Variants in ATP2A1 observed in about 807,000 individuals in gnomAD.
ATP2A1 encodes sarcoplasmic/endoplasmic reticulum calcium ATPase 1.
A neutral mutation model predicts 109.5 loss-of-function variants in ATP2A1; 83 were observed. That is an observed-to-expected ratio of 0.76 (90% CI 0.63 to 0.91). The LOEUF is 0.91. ATP2A1 is among the 40% of genes least tolerant of loss of function. ATP2A1 has a pLI of 0.00. For synonymous variants in ATP2A1, 505 were observed against 537.6 expected (o/e 0.94, Z 0.84); for missense variants, 1,101 against 1,341.0 (o/e 0.82, Z 2.80).
chr16:28,904,337 T>C lies in ATP2A1; in HGVS notation c.*195T>C. The C allele has an allele frequency of 1.3e-6, 2 of 1,557,364 alleles. No homozygotes were observed. Among genetic ancestry groups the C allele is most frequent in the Non-Finnish European group, 1.7e-6 (2 of 1,156,136 alleles). On this transcript the variant is annotated 3_prime_UTR_variant, in exon 23 of 23. Transcript: ENST00000395503. ...ATAAACATGTCCCCTTCCCTTTCCT[T>C]CCCCCTCGGCCACCCGCCTCCCTCT...
intron 12 of ATP2A1, among the ~76,000 whole-genome samples, chr16:28,896,897 T>C (rs1236746862): frequency 1.3e-5 from 2 of 151,808 alleles, no homozygotes; most frequent in Non-Finnish European, 2.9e-5. Flanking sequence ...TTCTCCATGT[T>C]GGTTAAGCTG....
Position 28,894,674 on chromosome 16 carries a change from G to GTT in ATP2A1, c.1287+68_1287+69dup, listed in dbSNP as rs560880307. On this transcript the variant is annotated intron_variant, in intron 11 of 22. Transcript: ENST00000395503. ...CTCCTCCGAAGGCCAGGAGGAAAGG[G>GTT]TTGGAGGAAGGGGACCCAGTACACC... The GTT allele has an allele frequency of 1.2e-4, 198 of 1,601,468 alleles. 4 individuals are homozygous for GTT. The East Asian group carries it at 2.5e-3, about 20-fold the overall frequency.
intron 14 of ATP2A1, 58 bp from the exon 15 acceptor site, chr16:28,900,523 T>C: frequency 8.6e-7 from 1 of 1,166,882 alleles, no homozygotes. Flanking sequence ...ACCAGCTTCC[T>C]CCAGGGGAGT....
chr16:28,902,341 C>A lies in ATP2A1; in HGVS notation c.2479C>A (p.Pro827Thr), dbSNP rs200446142. Reference protein sequence around the residue: ...MDRPPRSPKEPLISGWLFFRY... With the variant: ...MDRPPRSPKETLISGWLFFRY... ...CCGCCCCCCCCGGAGCCCCAAGGAG[C>A]CCCTCATCAGTGGCTGGCTCTTCTT... The change falls in exon 17 of 23, where the codon CCC (proline) becomes ACC (threonine). Residue 827 changes from proline to threonine, a missense_variant. Transcript: ENST00000395503. This position sits in a 1 kb window ranked among gnomAD's most constrained non-coding sequence, Gnocchi z 4.8. The A allele has an allele frequency of 6.2e-7, 1 of 1,614,076 alleles. No homozygotes were observed. The highest frequency in any genetic ancestry group is 8.5e-7 in the Non-Finnish European group (1 of 1,179,986).
Position 28,898,574 on chromosome 16 carries a change from T to A in ATP2A1, c.1764+123T>A. On this transcript the variant is annotated intron_variant, in intron 14 of 22. Coordinates refer to ENST00000395503, the MANE Select transcript of ATP2A1 (RefSeq NM_004320.6). This position sits in a 1 kb window ranked among gnomAD's most constrained non-coding sequence, Gnocchi z 4.0. ...GTCAGTCAAGTTGATGGCTCCTTAGTACAGGCCATGGAATCACAGGACAGT... is the reference window on the plus strand; with the variant it reads ...GTCAGTCAAGTTGATGGCTCCTTAGAACAGGCCATGGAATCACAGGACAGT... 1.7e-6 allele frequency: 2 copies of A among 1,149,984 alleles called. No homozygotes were observed. Among genetic ancestry groups the A allele is most frequent in the Admixed American group, 4.0e-5 (2 of 49,748 alleles). 71.2% of individuals were successfully genotyped at this position (1,149,984 alleles called of 1,614,324 possible).
At chr16:28,901,818 G>A (rs1429561284) in intron 15 of ATP2A1, 45 bp from the exon 16 acceptor site, 15 of 1,524,814 alleles carry the variant, frequency 9.8e-6, no homozygotes, top group South Asian at 2.3e-5. Flanking sequence ...TAAAAAGGAG[G>A]GATGTGTGAA....
intron 4 of ATP2A1, among the ~76,000 whole-genome samples, chr16:28,882,097 C>T (rs1342543874): frequency 1.4e-4 from 19 of 136,076 alleles, no homozygotes; most frequent in African/African-American, 4.9e-4. Flanking sequence ...CTACTACGCC[C>T]GGCTTTTTTT....
chr16:28,880,084 C>A lies in ATP2A1; in HGVS notation c.219+501C>A. On this transcript the variant is annotated intron_variant, in intron 3 of 22. Coordinates refer to ENST00000395503, the MANE Select transcript of ATP2A1 (RefSeq NM_004320.6). The surrounding 1 kb of genome is among the most constrained non-coding windows in gnomAD (Gnocchi z 4.2). ...GCGGTGTGATGATGACTCCAAGGAGCCCGGCGCCCGGTCAGGGAGGGCACT... is the reference window on the plus strand; with the variant it reads ...GCGGTGTGATGATGACTCCAAGGAGACCGGCGCCCGGTCAGGGAGGGCACT... 1.0e-6 allele frequency: 1 copy of A among 997,696 alleles called. No homozygotes were observed. The highest frequency in any genetic ancestry group is 1.2e-6 in the Non-Finnish European group (1 of 839,678). The allele number at this position is 997,696 out of a possible 1,614,324, so 61.8% of individuals were successfully genotyped here.
chr16:28,879,911 C>CGG lies in ATP2A1; in HGVS notation c.219+333_219+334dup, dbSNP rs11350407. On this transcript the variant is annotated intron_variant, in intron 3 of 22. Coordinates refer to ENST00000395503, the MANE Select transcript of ATP2A1 (RefSeq NM_004320.6). ...TCCCGCCGCGATGCCGGCTGCGGCG[C>CGG]GGGGGGCCACTGCCACTCCCGGCAT... 2.0e-4 allele frequency: 158 copies of CGG among 802,930 alleles called. No homozygotes were observed. In the East Asian group the frequency reaches 4.5e-3, roughly 23 times the overall value. The allele number at this position is 802,930 out of a possible 1,614,324, so 49.7% of individuals were successfully genotyped here. A position where few individuals can be genotyped will look rare whatever the true frequency, so the allele number is the denominator to read the frequency against.
At position 28,880,091 on chromosome 16, in the gene ATP2A1, C is replaced by A. The variant is rs1157342186; in HGVS notation, c.219+508C>A. Reference sequence around the variant, plus strand: ...GATGATGACTCCAAGGAGCCCGGCGCCCGGTCAGGGAGGGCACTGGCATCC... The same window carrying A: ...GATGATGACTCCAAGGAGCCCGGCGACCGGTCAGGGAGGGCACTGGCATCC... On this transcript the variant is annotated intron_variant, in intron 3 of 22. Coordinates refer to ENST00000395503, the MANE Select transcript of ATP2A1 (RefSeq NM_004320.6). The surrounding 1 kb of genome is among the most constrained non-coding windows in gnomAD (Gnocchi z 4.2). 2.0e-6 allele frequency: 2 copies of A among 996,798 alleles called. No individual in the cohort carries two copies. The highest frequency in any genetic ancestry group is 1.1e-4 in the East Asian group (1 of 8,882). 61.7% of individuals were successfully genotyped at this position (996,798 alleles called of 1,614,324 possible).
Position 28,885,484 on chromosome 16 carries a change from C to T in ATP2A1, c.544+829C>T, listed in dbSNP as rs1367852400. 3.3e-5 allele frequency among the ~76,000 whole-genome samples: 5 copies of T among 152,064 alleles called. No individual in the cohort carries two copies. The East Asian group carries it at 5.9e-4, about 18-fold the overall frequency. Reference sequence around the variant, plus strand: ...TCAGCCTCCAGAGTAGCTGGGATTACAGACGTCCACCATCACACCCGGCTA... The same window carrying T: ...TCAGCCTCCAGAGTAGCTGGGATTATAGACGTCCACCATCACACCCGGCTA... On this transcript the variant is annotated intron_variant, in intron 6 of 22. Transcript: ENST00000395503.
intron 2 of ATP2A1, 154 bp from the exon 3 acceptor site, chr16:28,879,347 C>T (rs1036449945): frequency 4.6e-6 from 4 of 877,798 alleles, no homozygotes; most frequent in South Asian, 4.3e-5. Flanking sequence ...TGTTTCTGGA[C>T]TCCAGGCGAG....
At chr16:28,896,115 T>A (rs897511134) in intron 12 of ATP2A1, among the ~76,000 whole-genome samples, 1 of 151,996 alleles carries the variant, frequency 6.6e-6, no homozygotes, top group Non-Finnish European at 1.5e-5. Context: ...CATGCACCAC[T>A]TTTCCTGGCT....
Position 28,879,487 on chromosome 16 carries a change from G to T in ATP2A1, c.137-14G>T. ...GACCTTAACCCGGGGCCCTCCCCTT[G>T]CCTCCTCCCCCAGGGAAGACCCTGT... is the stretch of plus-strand genomic sequence containing the variant. On this transcript the variant is annotated splice_polypyrimidine_tract_variant and intron_variant, in intron 2 of 22. Transcript: ENST00000395503. 1 of 1,613,388 alleles carries T rather than the reference G, an allele frequency of 6.2e-7. No individual in the cohort carries two copies. Among genetic ancestry groups the T allele is most frequent in the Non-Finnish European group, 8.5e-7 (1 of 1,179,374 alleles).
In ATP2A1 at chr16:28,887,253, CAAG is replaced by C. The variant is rs771438798; in HGVS notation, c.615_617del (p.Lys205del). ...CTGACCCCCGAGCTGTCAACCAGGA[CAAG>C]AAGAACATGCTTTTCTCGGTGAGCA... On this transcript the variant is annotated inframe_deletion, in exon 7 of 23. Transcript: ENST00000395503. The C allele has an allele frequency of 5.0e-6, 8 of 1,614,034 alleles. No individual in the cohort carries two copies. The highest frequency in any genetic ancestry group is 2.2e-5 in the East Asian group (1 of 44,860).
At chr16:28,885,576 T>G (rs1422208244) in intron 6 of ATP2A1, among the ~76,000 whole-genome samples, 1 of 151,912 alleles carries the variant, frequency 6.6e-6, no homozygotes, top group African/African-American at 2.4e-5. Context: ...ACTCCTGACC[T>G]CGTGATCCAC....
rs1249911516 is a variant in ATP2A1, at chr16:28,883,985, C to G, written c.464-590C>G. ...TACCTTCCGCTCACTCCTCTCCTGC[C>G]TTGCCCTCCACTGTTCCTCTTGGTT... On this transcript the variant is annotated intron_variant, in intron 5 of 22. Coordinates refer to ENST00000395503, the MANE Select transcript of ATP2A1 (RefSeq NM_004320.6). This position sits in a 1 kb window ranked among gnomAD's most constrained non-coding sequence, Gnocchi z 5.2. 6.6e-6 allele frequency among the ~76,000 whole-genome samples: 1 copy of G among 152,130 alleles called. No homozygotes were observed. The highest frequency in any genetic ancestry group is 1.5e-5 in the Non-Finnish European group (1 of 68,034).
chr16:28,879,515 G>T lies in ATP2A1; in HGVS notation c.151G>T (p.Glu51Ter), dbSNP rs778511864. ...LPAEEGKTLW[E>*]LVIEQFEDLL... ...TCCTCCCCCAGGGAAGACCCTGTGG[G>T]AGCTGGTGATAGAGCAGTTTGAAGA... The change falls in exon 3 of 23, where the codon GAG becomes TAG. Residue 51 changes from glutamate to a stop codon, truncating the protein, a stop_gained. Transcript: ENST00000395503. LOFTEE classifies it high-confidence loss of function. 5 of 1,614,138 alleles carry T rather than the reference G, an allele frequency of 3.1e-6. No individual in the cohort carries two copies. Among genetic ancestry groups the T allele is most frequent in the Middle Eastern group, 1.6e-4 (1 of 6,062 alleles).
Position 28,887,736 on chromosome 16 carries a change from T to C in ATP2A1, c.928+14T>C, listed in dbSNP as rs1259338274. The C allele has an allele frequency of 1.9e-6, 3 of 1,613,206 alleles. No homozygotes were observed. The South Asian group carries it at 3.3e-5, about 18-fold the overall frequency. ...CCATCCCCGAAGGTATGAAAGCCTT[T>C]CTTTTCTCCTCCCATTTGCTAATCC... On this transcript the variant is annotated intron_variant, in intron 8 of 22. Transcript: ENST00000395503.
Sources: gnomAD v4.1 joint callset for allele counts (sites outside exome capture counted in the v4.1 genomes callset) on GRCh38, gnomAD v4.1.1 for gene constraint, Gnocchi (gnomAD v3.1) non-coding constraint, MANE v1.5 for transcripts, NCBI Gene and HGNC (gene_info 2026-07-23, HGNC 2026-07-21) for gene names.